The following KCNMA1 variants were observed in gnomAD, a reference collection of about 807,000 sequenced individuals.
KCNMA1 encodes Calcium-activated potassium channel subunit alpha-1.
KCNMA1 carries 29 observed loss-of-function variants against 140.0 expected under a neutral mutation model. That is an observed-to-expected ratio of 0.21 (90% CI 0.15 to 0.28). The LOEUF is 0.28. KCNMA1 is among the 10% of genes least tolerant of loss of function. The pLI is 1.00. For missense variants in KCNMA1, 880 were observed against 1,602.2 expected, an observed-to-expected ratio of 0.55 and a Z score of 7.70; for synonymous variants, 612 against 611.9, an observed-to-expected ratio of 1.00 and a Z score of 0.00.
At chr10:77,134,864 G>C (rs976718455) in intron 5 of KCNMA1, among the ~76,000 whole-genome samples, 1 of 151,416 alleles carries the variant, frequency 6.6e-6, no homozygotes, top group Non-Finnish European at 1.5e-5. Flanking sequence ...CGGGTGTGGT[G>C]GTGGGCACCT....
intron 1 of KCNMA1, among the ~76,000 whole-genome samples, chr10:77,527,169 G>A (rs1391534894): frequency 6.6e-6 from 1 of 152,124 alleles, no homozygotes; most frequent in Non-Finnish European, 1.5e-5. Flanking sequence ...GTATTAATAT[G>A]GCCCTGGCAT....
intron 25 of KCNMA1, among the ~76,000 whole-genome samples, chr10:76,893,958 T>C (rs918998684): frequency 6.6e-6 from 1 of 152,084 alleles, no homozygotes; most frequent in Non-Finnish European, 1.5e-5. Context: ...ACAAAGTCCA[T>C]TTTTTTGTAA....
chr10:77,392,407 C>G (rs1399019679), intron 2 of KCNMA1, among the ~76,000 whole-genome samples: 2 of 152,148 alleles, frequency 1.3e-5, no homozygotes, highest in African/African-American at 4.8e-5. Flanking sequence ...GCAATCAGGA[C>G]TAGAATGTCT....
At chr10:77,068,698 T>TTGTGTGTGTGTGTGTGTGTGTG (rs199660003) in intron 14 of KCNMA1, among the ~76,000 whole-genome samples, 13 of 132,640 alleles carry the variant, frequency 9.8e-5, no homozygotes, top group East Asian at 4.8e-4. Flanking sequence ...GTTCCAGGTT[T>TTGTGTGTGTGTGTGTGTGTGTG]TGTGTGTGTG....
At chr10:77,508,604 G>A (rs1395846990) in intron 1 of KCNMA1, among the ~76,000 whole-genome samples, 1 of 87,472 alleles carries the variant, frequency 1.1e-5, no homozygotes, top group Admixed American at 1.4e-4. Flanking sequence ...TTTTTGTAGA[G>A]GTGCTCTCTC....
chr10:77,322,287 A>T (rs1343015510), intron 2 of KCNMA1, among the ~76,000 whole-genome samples: 1 of 152,204 alleles, frequency 6.6e-6, no homozygotes, highest in African/African-American at 2.4e-5. Context: ...GATGGTTATT[A>T]AATCTCTCTT....
intron 2 of KCNMA1, among the ~76,000 whole-genome samples, chr10:77,312,859 A>G (rs1652098067): frequency 6.6e-6 from 1 of 152,114 alleles, no homozygotes; most frequent in African/African-American, 2.4e-5. Flanking sequence ...ACTCAGAACT[A>G]CAGCATGATT....
intron 20 of KCNMA1, among the ~76,000 whole-genome samples, chr10:76,961,112 G>T (rs991214410): frequency 6.6e-6 from 1 of 151,010 alleles, no homozygotes. Context: ...ATGAATCTGG[G>T]CAAAATAAAT....
At chr10:77,298,791 A>G (rs747869807) in intron 2 of KCNMA1, among the ~76,000 whole-genome samples, 1 of 152,154 alleles carries the variant, frequency 6.6e-6, no homozygotes, top group Non-Finnish European at 1.5e-5. Flanking sequence ...AGTGCCCGCC[A>G]GAGTGATGGC....
At chr10:77,326,682 C>A (rs1023008399) in intron 2 of KCNMA1, among the ~76,000 whole-genome samples, 1 of 152,108 alleles carries the variant, frequency 6.6e-6, no homozygotes, top group African/African-American at 2.4e-5. Flanking sequence ...CTGGTGGAAG[C>A]TTTACTGACC....
chr10:77,599,848 C>G (rs1603638143), intron 1 of KCNMA1, among the ~76,000 whole-genome samples: 1 of 152,178 alleles, frequency 6.6e-6, no homozygotes, highest in African/African-American at 2.4e-5. Context: ...CAGCCGCCAG[C>G]CTGAGCCCCT....
chr10:77,450,134 C>T (rs1052155129), intron 1 of KCNMA1, among the ~76,000 whole-genome samples: 1 of 152,150 alleles, frequency 6.6e-6, no homozygotes, highest in African/African-American at 2.4e-5. Flanking sequence ...TGGCTCACTT[C>T]AACCTTTGTC....
intron 1 of KCNMA1, among the ~76,000 whole-genome samples, chr10:77,477,058 T>C (rs2098295244): frequency 6.6e-6 from 1 of 152,198 alleles, no homozygotes; most frequent in African/African-American, 2.4e-5. Context: ...GACACCTGGA[T>C]TCCAGGAAAA....
At chr10:76,897,047 C>A (rs1009940203) in intron 25 of KCNMA1, among the ~76,000 whole-genome samples, 2 of 145,894 alleles carry the variant, frequency 1.4e-5, no homozygotes, top group African/African-American at 2.5e-5. Context: ...CACACACACA[C>A]AATTAGTGAT....
At chr10:76,919,908 G>T (rs1441098048) in intron 23 of KCNMA1, among the ~76,000 whole-genome samples, 2 of 149,702 alleles carry the variant, frequency 1.3e-5, no homozygotes, top group Admixed American at 1.3e-4. Context: ...AACTGAAGAA[G>T]TATTTAGTAG....
At chr10:77,320,723 C>G (rs1296883987) in intron 2 of KCNMA1, among the ~76,000 whole-genome samples, 1 of 152,190 alleles carries the variant, frequency 6.6e-6, no homozygotes, top group Non-Finnish European at 1.5e-5. Flanking sequence ...TGATGTAACT[C>G]TAGCCTAGGA....
In KCNMA1 at chr10:77,262,890, T is replaced by C. The variant is rs768026128; in HGVS notation, c.541-11634A>G. On this transcript the variant is annotated intron_variant, in intron 2 of 27. Transcript: ENST00000286628. ...ATCTTCAGGTATTCCTTTATGGCAA[T>C]GCAAATAACTAGTACAGATAGTGAT... 3.3e-5 allele frequency among the ~76,000 whole-genome samples: 5 copies of C among 152,180 alleles called. 1 individual carries two copies. The highest frequency in any genetic ancestry group is 2.6e-4 in the Admixed American group (4 of 15,276).
At chr10:77,228,802 C>T (rs937384382) in intron 3 of KCNMA1, among the ~76,000 whole-genome samples, 2 of 152,180 alleles carry the variant, frequency 1.3e-5, no homozygotes, top group Non-Finnish European at 2.9e-5. Context: ...CAGCTTGAGC[C>T]ACCTGTAGTC....
chr10:77,271,241 T>C (rs1362058595), intron 2 of KCNMA1, among the ~76,000 whole-genome samples: 1 of 152,248 alleles, frequency 6.6e-6, no homozygotes, highest in Admixed American at 6.5e-5. Context: ...TACACTGAAG[T>C]GCCCAATGGG....
Sources: gnomAD v4.1 joint callset for allele counts (sites outside exome capture counted in the v4.1 genomes callset) on GRCh38, gnomAD v4.1.1 for gene constraint, MANE v1.5 for transcripts, NCBI Gene and HGNC (gene_info 2026-07-23, HGNC 2026-07-21) for gene names.